SREK1: variants seen among roughly 807,000 people sequenced by gnomAD.
The protein encoded by SREK1 is splicing regulatory glutamine/lysine-rich protein 1.
Under a neutral mutation model 66.5 loss-of-function variants are expected in SREK1, and 13 were observed. That is an observed-to-expected ratio of 0.20 (90% CI 0.13 to 0.31). SREK1 has a LOEUF of 0.31. Among genes scored for constraint, SREK1 ranks in the 10% least tolerant of loss-of-function variants. The probability of loss-of-function intolerance (pLI) is 1.00; values close to 1 mark genes in which losing one functional copy is unlikely to be tolerated. For missense variants in SREK1, 607 were observed against 769.6 expected, an observed-to-expected ratio of 0.79 and a Z score of 2.50; for synonymous variants, 265 against 263.5, an observed-to-expected ratio of 1.01 and a Z score of -0.05.
At chr5:66,153,755 T>C in intron 2 of SREK1, 159 bp downstream of exon 2, 2 of 784,490 alleles carry the variant, frequency 2.5e-6, no homozygotes, top group Non-Finnish European at 4.0e-6. Flanking sequence ...AATAGTAATA[T>C]TAAAATGGTT....
intron 1 of SREK1, chr5:66,145,322 C>A: frequency 3.4e-6 from 1 of 295,764 alleles, no homozygotes; most frequent in Non-Finnish European, 5.0e-6. Context: ...TTAGAAAACT[C>A]GCAAGGGGTT....
At chr5:66,156,089 C>G (rs1233643243) in intron 2 of SREK1, 1 of 1,521,960 alleles carries the variant, frequency 6.6e-7, no homozygotes, top group Non-Finnish European at 8.8e-7. Context: ...CAAGGCAGAC[C>G]TGTTACACTT....
At chr5:66,156,260 T>C (rs1561498259) in intron 2 of SREK1, 1 of 1,312,878 alleles carries the variant, frequency 7.6e-7, no homozygotes, top group Non-Finnish European at 9.7e-7. Context: ...TTTTGTCCCT[T>C]TTTTTGTTTT....
intron 3 of SREK1, among the ~76,000 whole-genome samples, chr5:66,160,643 G>A (rs1320134593): frequency 1.3e-5 from 2 of 152,202 alleles, no homozygotes; most frequent in Non-Finnish European, 2.9e-5. Context: ...TGGGTTTTAA[G>A]CAGGGATATG....
chr5:66,182,674 TCTCAC>T lies in SREK1; in HGVS notation c.*3811_*3815del, dbSNP rs1356669138. ...TGACCTTTCTCGGCATGGATGATCCTCTCACCTCAGCCTCTTGAATAGCTGGGACC... is the reference window on the plus strand; with the variant it reads ...TGACCTTTCTCGGCATGGATGATCCTCTCAGCCTCTTGAATAGCTGGGACC... On this transcript the variant is annotated 3_prime_UTR_variant, in exon 12 of 12. Coordinates refer to ENST00000334121, the MANE Select transcript of SREK1 (RefSeq NM_001077199.3). 3.9e-5 allele frequency: 6 copies of T among 152,270 alleles called. No homozygotes were observed. In the East Asian group the frequency reaches 1.2e-3, roughly 29 times the overall value. The allele number at this position is 152,270 out of a possible 1,614,324, so 9.4% of individuals were successfully genotyped here. A position where few individuals can be genotyped will look rare whatever the true frequency, so the allele number is the denominator to read the frequency against.
At chr5:66,178,611 C>G in intron 11 of SREK1, 108 bp from the exon 12 acceptor site, 1 of 1,072,576 alleles carries the variant, frequency 9.3e-7, no homozygotes, top group Non-Finnish European at 1.3e-6. Flanking sequence ...GAGAGAAAAT[C>G]ATACCCAGTT....
At position 66,144,549 on chromosome 5, in the gene SREK1, A is replaced by C; in HGVS notation, c.161+12A>C. ...CTCTACCCCCCGGAGTAAGTGCTGG[A>C]GCTCGGCTGGGGGAGGGGCGCGGGC... On this transcript the variant is annotated intron_variant, in intron 1 of 11. Transcript: ENST00000334121. The C allele has an allele frequency of 6.5e-7, 1 of 1,546,644 alleles. No homozygotes were observed. The highest frequency in any genetic ancestry group is 8.7e-7 in the Non-Finnish European group (1 of 1,144,312).
rs1163805025 is a variant in SREK1, at chr5:66,177,613, T to C, written c.1680T>C (p.Asp560=). The C allele has an allele frequency of 3.1e-6, 5 of 1,610,604 alleles. No individual in the cohort carries two copies. The highest frequency in any genetic ancestry group is 4.2e-6 in the Non-Finnish European group (5 of 1,178,350). Reference sequence around the variant, plus strand: ...CGTCTATGAGAAAGAGTTCTAATGATAGAGATGGGAAGGAGAAGTTGGAGA... The same window carrying C: ...CGTCTATGAGAAAGAGTTCTAATGACAGAGATGGGAAGGAGAAGTTGGAGA... ...RSTSMRKSSN[D]RDGKEKLEKN... Residue 560 remains aspartate, a synonymous_variant, in exon 11 of 12, where the codon GAT becomes GAC. Transcript: ENST00000334121.
At chr5:66,178,569 G>A in intron 11 of SREK1, 150 bp from the exon 12 acceptor site, 1 of 632,594 alleles carries the variant, frequency 1.6e-6, no homozygotes, top group South Asian at 3.2e-5. Context: ...AATTGATAGT[G>A]TTTGCATATT....
chr5:66,176,107 T>C (rs1049161656), intron 10 of SREK1, among the ~76,000 whole-genome samples: 9 of 152,176 alleles, frequency 5.9e-5, no homozygotes, highest in African/African-American at 1.9e-4. Flanking sequence ...TATTCTTGTG[T>C]ACAATATGGC....
At chr5:66,155,973 C>A in intron 2 of SREK1, 3 of 1,519,080 alleles carry the variant, frequency 2.0e-6, no homozygotes, top group Non-Finnish European at 1.8e-6. Context: ...AATCATCAGT[C>A]ATAACTTTAT....
intron 7 of SREK1, chr5:66,169,554 G>T (rs1028796278): frequency 6.6e-6 from 1 of 152,098 alleles, no homozygotes; most frequent in Non-Finnish European, 1.5e-5. Flanking sequence ...TAAAATCAAG[G>T]CATTGCAAAT....
At chr5:66,157,021 TA>T (rs1449145981) in intron 2 of SREK1, 36 of 985,046 alleles carry the variant, frequency 3.7e-5, no homozygotes, top group Non-Finnish European at 4.2e-5. Flanking sequence ...GTAAATTTGG[TA>T]GAATTCTATC....
chr5:66,156,494 A>G, intron 2 of SREK1: 1 of 997,478 alleles, frequency 1.0e-6, no homozygotes, highest in African/African-American at 1.7e-5. Context: ...GTATGGACTC[A>G]TAAGGTACAT....
intron 2 of SREK1, chr5:66,158,803 T>C (rs1744499456): frequency 2.3e-6 from 3 of 1,289,722 alleles, no homozygotes; most frequent in Non-Finnish European, 3.0e-6. Context: ...TTCTGTGTGC[T>C]ATTAGTGATG....
chr5:66,167,734 T>C (rs907125806), intron 7 of SREK1: 5 of 152,230 alleles, frequency 3.3e-5, no homozygotes, highest in Admixed American at 3.3e-4. Flanking sequence ...AACTTATTTA[T>C]GAGAGTTATA....
At chr5:66,175,782 T>C (rs1746007914) in intron 10 of SREK1, among the ~76,000 whole-genome samples, 1 of 152,166 alleles carries the variant, frequency 6.6e-6, no homozygotes, top group Non-Finnish European at 1.5e-5. Flanking sequence ...ACTCTGCCCA[T>C]TTTCCTGTTG....
In SREK1 at chr5:66,144,388, C is replaced by T. The variant is rs992655364; in HGVS notation, c.12C>T (p.Gly4=). 90 of 1,547,896 alleles carry T rather than the reference C, an allele frequency of 5.8e-5. No homozygotes were observed. The highest frequency in any genetic ancestry group is 7.1e-5 in the Non-Finnish European group (81 of 1,144,808). The stretch of plus-strand genomic sequence containing the variant: ...GCAGCGGGATCGGGATGAACAGCGG[C>T]GGCGGCTTCGGTTTGGGCTTAGGCT... MNS[G]GGFGLGLGFG... is the part of the protein sequence containing the mutation. Residue 4 remains glycine, a synonymous_variant, in exon 1 of 12, where the codon GGC becomes GGT. Coordinates refer to ENST00000334121, the MANE Select transcript of SREK1 (RefSeq NM_001077199.3).
chr5:66,161,760 G>A lies in SREK1; in HGVS notation c.412-349G>A, dbSNP rs376145999. ...TGTAAATGTGACCAGAGGCTTGTAGGAACTTCACCCTGTATTTTCCCTAGG... is the reference window on the plus strand; with the variant it reads ...TGTAAATGTGACCAGAGGCTTGTAGAAACTTCACCCTGTATTTTCCCTAGG... On this transcript the variant is annotated intron_variant, in intron 3 of 11. Transcript: ENST00000334121. 3.3e-5 allele frequency among the ~76,000 whole-genome samples: 5 copies of A among 152,220 alleles called. No homozygotes were observed. In the South Asian group the frequency reaches 1.0e-3, roughly 32 times the overall value.
Sources: allele counts gnomAD v4.1 joint callset (sites outside exome capture counted in the v4.1 genomes callset), GRCh38; gene constraint gnomAD v4.1.1; transcripts MANE v1.5; gene names NCBI Gene and HGNC (gene_info 2026-07-23, HGNC 2026-07-21).